MACROD2: variants seen among roughly 807,000 people sequenced by gnomAD.
MACROD2 encodes ADP-ribose glycohydrolase MACROD2.
In MACROD2, 36 loss-of-function variants were observed where a neutral mutation model predicts 70.4. The observed-to-expected ratio is 0.51, with a 90% confidence interval of 0.39 to 0.68. MACROD2 has a LOEUF of 0.68. MACROD2 is among the 30% of genes least tolerant of loss of function. The probability of loss-of-function intolerance (pLI) is 0.00; values close to 1 mark genes in which losing one functional copy is unlikely to be tolerated. For missense variants in MACROD2, 496 were observed against 538.4 expected (o/e 0.92, Z 0.78); for synonymous variants, 172 against 178.8 (o/e 0.96, Z 0.30).
chr20:14,567,801 T>C (rs182865094), intron 4 of MACROD2, among the ~76,000 whole-genome samples: 5 of 152,182 alleles, frequency 3.3e-5, no homozygotes, highest in African/African-American at 1.2e-4. Context: ...AGATATTATA[T>C]CTGTATAACA....
chr20:15,940,567 G>A (rs1408494601), intron 12 of MACROD2, among the ~76,000 whole-genome samples: 7 of 152,154 alleles, frequency 4.6e-5, no homozygotes, highest in Admixed American at 4.6e-4. Flanking sequence ...CCAAGTGGTG[G>A]CCGTCAACAT....
intron 10 of MACROD2, among the ~76,000 whole-genome samples, chr20:15,899,542 C>G (rs2065033020): frequency 6.6e-6 from 1 of 152,112 alleles, no homozygotes; most frequent in African/African-American, 2.4e-5. Flanking sequence ...TTTCATTAAA[C>G]AAGAACTAAA....
chr20:15,444,560 G>T (rs2046537071), intron 7 of MACROD2, among the ~76,000 whole-genome samples: 1 of 152,060 alleles, frequency 6.6e-6, no homozygotes, highest in African/African-American at 2.4e-5. Context: ...AACATGGTCT[G>T]TATCTCTGTG....
At chr20:15,584,674 T>C (rs937000031) in intron 8 of MACROD2, among the ~76,000 whole-genome samples, 1 of 152,154 alleles carries the variant, frequency 6.6e-6, no homozygotes, top group Non-Finnish European at 1.5e-5. Flanking sequence ...TTCCCTTCCT[T>C]GCGTAGTGTA....
intron 5 of MACROD2, among the ~76,000 whole-genome samples, chr20:15,141,964 C>G (rs1480455455): frequency 4.6e-5 from 7 of 152,176 alleles, no homozygotes; most frequent in Non-Finnish European, 1.0e-4. Flanking sequence ...TTCTCCGCTT[C>G]TTTAAGGTTC....
chr20:16,031,895 T>A (rs543707635), intron 15 of MACROD2, among the ~76,000 whole-genome samples: 1 of 151,776 alleles, frequency 6.6e-6, no homozygotes, highest in South Asian at 2.1e-4. Context: ...AGGGCAAGAG[T>A]GGGAAAAGAG....
intron 5 of MACROD2, among the ~76,000 whole-genome samples, chr20:14,801,088 A>G (rs998188958): frequency 6.6e-6 from 1 of 152,174 alleles, no homozygotes; most frequent in Non-Finnish European, 1.5e-5. Flanking sequence ...AAATAATACA[A>G]GGGAGAAAAT....
chr20:15,946,535 T>C (rs2065824980), intron 12 of MACROD2, among the ~76,000 whole-genome samples: 3 of 152,228 alleles, frequency 2.0e-5, no homozygotes, highest in Admixed American at 1.3e-4. Context: ...AATTCGTTTA[T>C]AAACCTTAAA....
chr20:14,506,844 G>A (rs1040181311), intron 4 of MACROD2, among the ~76,000 whole-genome samples: 20 of 152,238 alleles, frequency 1.3e-4, no homozygotes, highest in African/African-American at 4.1e-4. Context: ...CCAGCTACTC[G>A]TGAGGCTGAG....
chr20:15,108,341 A>T lies in MACROD2; in HGVS notation c.419-121599A>T, dbSNP rs1601085488. 2.6e-5 allele frequency among the ~76,000 whole-genome samples: 4 copies of T among 152,246 alleles called. No homozygotes were observed. The East Asian group carries it at 7.7e-4, about 29-fold the overall frequency. Reference sequence around the variant, plus strand: ...TTTGACAAGCATTAATAGAGTAAGTAAGCATGGCTATATGGAACTCAATAA... The same window carrying T: ...TTTGACAAGCATTAATAGAGTAAGTTAGCATGGCTATATGGAACTCAATAA... On this transcript the variant is annotated intron_variant, in intron 5 of 17. Transcript: ENST00000684519.
intron 3 of MACROD2, among the ~76,000 whole-genome samples, chr20:14,214,480 C>T (rs2081597672): frequency 6.6e-6 from 1 of 151,942 alleles, no homozygotes; most frequent in Non-Finnish European, 1.5e-5. Context: ...AATCTTTTCT[C>T]TGCCTAAACT....
intron 8 of MACROD2, among the ~76,000 whole-genome samples, chr20:15,590,229 C>G (rs905780901): frequency 2.0e-5 from 3 of 152,150 alleles, no homozygotes; most frequent in African/African-American, 7.2e-5. Flanking sequence ...TCACTATACG[C>G]CAGGTAGCAT....
chr20:15,636,052 A>G (rs2049359107), intron 8 of MACROD2, among the ~76,000 whole-genome samples: 1 of 131,598 alleles, frequency 7.6e-6, no homozygotes, highest in East Asian at 2.8e-4. Flanking sequence ...AGCCTGGGCG[A>G]CAGAGCGAGG....
chr20:14,237,700 C>CACCCCAAA, intron 3 of MACROD2, among the ~76,000 whole-genome samples: 1 of 147,430 alleles, frequency 6.8e-6, no homozygotes. Flanking sequence ...CCCTCCCCCC[C>CACCCCAAA]ACCCCAAAAC....
At chr20:14,082,182 T>TC (rs927639815) in intron 2 of MACROD2, among the ~76,000 whole-genome samples, 26 of 127,016 alleles carry the variant, frequency 2.0e-4, no homozygotes, top group African/African-American at 3.7e-4. Flanking sequence ...TTTTTCTTTT[T>TC]TTTTTTTTTT....
intron 2 of MACROD2, among the ~76,000 whole-genome samples, chr20:14,032,092 G>C (rs917179785): frequency 6.6e-6 from 1 of 151,750 alleles, no homozygotes; most frequent in Non-Finnish European, 1.5e-5. Context: ...ATTTATTATT[G>C]TACATGGTGC....
intron 8 of MACROD2, 38 bp downstream of exon 8, chr20:15,499,885 A>G: frequency 6.3e-7 from 1 of 1,583,566 alleles, no homozygotes; most frequent in East Asian, 2.2e-5. Context: ...ATCCAAGATG[A>G]TGTAATTTGA....
chr20:15,351,791 G>A (rs1169042456), intron 6 of MACROD2, among the ~76,000 whole-genome samples: 1 of 152,130 alleles, frequency 6.6e-6, no homozygotes, highest in Admixed American at 6.6e-5. Context: ...TGAAAACCAA[G>A]GTTCTTCACT....
intron 13 of MACROD2, among the ~76,000 whole-genome samples, chr20:15,975,684 G>A (rs1236501637): frequency 6.6e-6 from 1 of 152,104 alleles, no homozygotes; most frequent in Non-Finnish European, 1.5e-5. Flanking sequence ...ACACATACAA[G>A]AGAAATATGA....
Sources: allele counts gnomAD v4.1 joint callset (sites outside exome capture counted in the v4.1 genomes callset), GRCh38; gene constraint gnomAD v4.1.1; transcripts MANE v1.5; gene names NCBI Gene and HGNC (gene_info 2026-07-23, HGNC 2026-07-21).